The following GLI2 variants were observed in gnomAD, a reference collection of about 807,000 sequenced individuals.
The protein encoded by GLI2 is transcription activator GLI2.
A neutral mutation model predicts 78.9 loss-of-function variants in GLI2; 22 were observed. The observed-to-expected ratio is 0.28, with a 90% confidence interval of 0.20 to 0.40. GLI2 has a LOEUF of 0.40. GLI2 is among the 10% of genes least tolerant of loss of function. The pLI is 1.00. For missense variants in GLI2, 2,097 were observed against 2,213.2 expected (o/e 0.95, Z 1.05); for synonymous variants, 974 against 963.7 (o/e 1.01, Z -0.20).
intron 1 of GLI2, among the ~76,000 whole-genome samples, chr2:120,793,454 G>A (rs1005253541): frequency 1.3e-4 from 20 of 152,190 alleles, no homozygotes; most frequent in African/African-American, 3.4e-4. Flanking sequence ...GAGACTATCC[G>A]CTTTGGCTGC....
chr2:120,984,751 G>A lies in GLI2; in HGVS notation c.1905+8G>A. The A allele has an allele frequency of 6.2e-7, 1 of 1,611,478 alleles. No individual in the cohort carries two copies. Among genetic ancestry groups the A allele is most frequent in the Non-Finnish European group, 8.5e-7 (1 of 1,179,756 alleles). On this transcript the variant is annotated splice_region_variant and intron_variant, in intron 12 of 13. Coordinates refer to ENST00000361492, the MANE Select transcript of GLI2 (RefSeq NM_001374353.1). ...AAGACCGAGAGCTCCGGGGTAAGCG[G>A]AGCTGGGCAGCCCAGCCACGCAAGG...
At chr2:120,968,394 T>A (rs1332615610) in intron 5 of GLI2, among the ~76,000 whole-genome samples, 1 of 152,136 alleles carries the variant, frequency 6.6e-6, no homozygotes, top group Non-Finnish European at 1.5e-5. Flanking sequence ...TGTCATGAGG[T>A]AAGCATTGCT....
At chr2:120,898,276 A>G (rs902484191) in intron 2 of GLI2, among the ~76,000 whole-genome samples, 5 of 152,006 alleles carry the variant, frequency 3.3e-5, no homozygotes, top group Non-Finnish European at 5.9e-5. Context: ...TATTTTCCCC[A>G]GACATTTACT....
chr2:120,853,657 A>C (rs1687511590), intron 2 of GLI2, among the ~76,000 whole-genome samples: 1 of 152,222 alleles, frequency 6.6e-6, no homozygotes, highest in Non-Finnish European at 1.5e-5. Flanking sequence ...TTTCCAATGA[A>C]GGTCTCCCTT....
intron 1 of GLI2, among the ~76,000 whole-genome samples, chr2:120,765,789 C>G (rs1005941666): frequency 2.0e-5 from 3 of 152,252 alleles, no homozygotes; most frequent in Non-Finnish European, 4.4e-5. Flanking sequence ...AAGAGCCCAT[C>G]AGGCGTCTTT....
chr2:120,887,233 T>C (rs909123258), intron 2 of GLI2, among the ~76,000 whole-genome samples: 7 of 152,214 alleles, frequency 4.6e-5, no homozygotes, highest in Non-Finnish European at 7.3e-5. Flanking sequence ...CCCAGCCTGC[T>C]TGTGGGAGGG....
chr2:120,905,398 T>C (rs938800683), intron 2 of GLI2, among the ~76,000 whole-genome samples: 2 of 152,178 alleles, frequency 1.3e-5, no homozygotes, highest in Admixed American at 6.5e-5. Context: ...GCGTGCCGAC[T>C]TCCAGCCAGC....
At chr2:120,853,699 A>G (rs1687512616) in intron 2 of GLI2, among the ~76,000 whole-genome samples, 1 of 152,210 alleles carries the variant, frequency 6.6e-6, no homozygotes, top group South Asian at 2.1e-4. Context: ...ATCAGGAGAA[A>G]GACGCACATG....
At chr2:120,918,409 G>T (rs1679201961) in intron 2 of GLI2, among the ~76,000 whole-genome samples, 1 of 150,292 alleles carries the variant, frequency 6.7e-6, no homozygotes, top group African/African-American at 2.4e-5. Context: ...CTTATTAGGG[G>T]TTTCTACTCT....
In GLI2 at chr2:120,992,033, CACACACACACACACACA is replaced by C. The variant is rs1270099469; in HGVS notation, c.*1359_*1375del. The C allele has an allele frequency of 2.6e-5, 4 of 153,664 alleles. No homozygotes were observed. The highest frequency in any genetic ancestry group is 7.3e-5 in the African/African-American group (3 of 41,224). 9.5% of individuals were successfully genotyped at this position (153,664 alleles called of 1,614,324 possible). A position where few individuals can be genotyped will look rare whatever the true frequency, so the allele number is the denominator to read the frequency against. On this transcript the variant is annotated 3_prime_UTR_variant, in exon 14 of 14. Transcript: ENST00000361492. ...ACACACACACACACACACACACACA[CACACACACACACACACA>C]CCCCAAACCTTTTCATGGGGAATGT...
chr2:120,960,236 C>T (rs115501251), intron 5 of GLI2, among the ~76,000 whole-genome samples: 2,048 of 152,286 alleles, frequency 0.013, 39 homozygotes, highest in African/African-American at 0.047. Context: ...ATGCCTGTCC[C>T]GACCTGACGC....
chr2:120,884,845 A>G (rs541282358), intron 2 of GLI2, among the ~76,000 whole-genome samples: 2 of 152,212 alleles, frequency 1.3e-5, no homozygotes, highest in South Asian at 2.1e-4. Flanking sequence ...GGGGCCCAAC[A>G]TCTGCTCACC....
chr2:120,763,522 C>T (rs1683278283), intron 1 of GLI2, among the ~76,000 whole-genome samples: 1 of 152,244 alleles, frequency 6.6e-6, no homozygotes, highest in Non-Finnish European at 1.5e-5. Flanking sequence ...TTGGTGGCAG[C>T]CAAGACCAGG....
chr2:120,898,239 C>A (rs1678078533), intron 2 of GLI2, among the ~76,000 whole-genome samples: 1 of 150,162 alleles, frequency 6.7e-6, no homozygotes, highest in African/African-American at 2.5e-5. Flanking sequence ...TAAAGAAAAT[C>A]ATTCCAGTCC....
rs183229884 is a variant in GLI2 at position 120,943,301 on chromosome 2, G to A, written c.255-7942G>A. 9.5e-4 allele frequency among the ~76,000 whole-genome samples: 144 copies of A among 152,312 alleles called. 3 individuals carry two copies. In the East Asian group the frequency reaches 0.026, roughly 28 times the overall value. ...TAACTGGGGGAAGGGATGAAGAGGG[G>A]AAGGGCATGACTGGAGGTGCAGACA... On this transcript the variant is annotated intron_variant, in intron 3 of 13. Transcript: ENST00000361492.
At chr2:120,830,710 A>G (rs1397244020) in intron 2 of GLI2, among the ~76,000 whole-genome samples, 2 of 152,166 alleles carry the variant, frequency 1.3e-5, no homozygotes, top group East Asian at 1.9e-4. Context: ...TGCCCTTCCC[A>G]GAACCTCATG....
At chr2:120,882,486 A>T (rs573248921) in intron 2 of GLI2, among the ~76,000 whole-genome samples, 2 of 152,342 alleles carry the variant, frequency 1.3e-5, no homozygotes, top group East Asian at 3.9e-4. Context: ...AAGCTCTGTG[A>T]ATTTGTGGAA....
chr2:120,774,490 A>T (rs1420939752), intron 1 of GLI2, among the ~76,000 whole-genome samples: 1 of 152,198 alleles, frequency 6.6e-6, no homozygotes, highest in Non-Finnish European at 1.5e-5. Context: ...CATCCCTGGC[A>T]GCCACTAATT....
intron 12 of GLI2, among the ~76,000 whole-genome samples, chr2:120,985,843 T>C (rs1558937840): frequency 6.6e-6 from 1 of 152,210 alleles, no homozygotes; most frequent in African/African-American, 2.4e-5. Flanking sequence ...TGGTCATCCT[T>C]TCCCTTTCCC....
Sources: gnomAD v4.1 joint callset for allele counts (sites outside exome capture counted in the v4.1 genomes callset) on GRCh38, gnomAD v4.1.1 for gene constraint, MANE v1.5 for transcripts, NCBI Gene and HGNC (gene_info 2026-07-23, HGNC 2026-07-21) for gene names.